SPTLC2: variants seen among roughly 807,000 people sequenced by gnomAD.
The protein encoded by SPTLC2 is serine palmitoyltransferase long chain base subunit 2.
A neutral mutation model predicts 62.0 loss-of-function variants in SPTLC2; 21 were observed. The ratio of observed to expected loss-of-function variants is 0.34; its 90% CI spans 0.24 to 0.49. SPTLC2 has a LOEUF of 0.49. Among genes scored for constraint, SPTLC2 ranks in the 20% least tolerant of loss-of-function variants. SPTLC2 has a pLI of 0.99. For synonymous variants in SPTLC2, 261 were observed against 261.8 expected, an observed-to-expected ratio of 1.00 and a Z score of 0.03; for missense variants, 511 against 713.0, an observed-to-expected ratio of 0.72 and a Z score of 3.23.
At chr14:77,604,321 GC>G (rs1489312217) in intron 1 of SPTLC2, among the ~76,000 whole-genome samples, 3 of 152,142 alleles carry the variant, frequency 2.0e-5, no homozygotes, top group African/African-American at 7.2e-5. Flanking sequence ...GGTCCCAAGA[GC>G]TGTGCCAATT....
At chr14:77,515,943 G>C (rs1015804919) in intron 11 of SPTLC2, among the ~76,000 whole-genome samples, 2 of 152,026 alleles carry the variant, frequency 1.3e-5, no homozygotes, top group Non-Finnish European at 2.9e-5. Context: ...TTTGTGTGCT[G>C]ATCTTTTACC....
In SPTLC2 at chr14:77,600,396, C is replaced by T. The variant is rs562251841; in HGVS notation, c.133-3016G>A. On this transcript the variant is annotated intron_variant, in intron 1 of 11. Coordinates refer to ENST00000216484, the MANE Select transcript of SPTLC2 (RefSeq NM_004863.4). ...GCAGATGGGCACGCCAACTGACACG[C>T]GAGCCTCTCCAAGGTGAAAAGTCTT... 5.3e-5 allele frequency among the ~76,000 whole-genome samples: 8 copies of T among 152,134 alleles called. No individual in the cohort carries two copies. The South Asian group carries it at 1.2e-3, about 24-fold the overall frequency.
chr14:77,517,723 G>T (rs189499086), intron 11 of SPTLC2, among the ~76,000 whole-genome samples: 1 of 151,886 alleles, frequency 6.6e-6, no homozygotes, highest in Admixed American at 6.6e-5. Context: ...GAAAGCTCAA[G>T]AGAGAAAATT....
At position 77,510,221 on chromosome 14, in the gene SPTLC2, G is replaced by A. The variant is rs988927851; in HGVS notation, c.*2063C>T. On this transcript the variant is annotated 3_prime_UTR_variant, in exon 12 of 12. Coordinates refer to ENST00000216484, the MANE Select transcript of SPTLC2 (RefSeq NM_004863.4). ...TTGGTTCTTTCATTCATCTTTTTCT[G>A]TTCTTTAAAAAAGTAAAATAAAACT... The A allele has an allele frequency of 3.1e-6, 1 of 322,818 alleles. No individual in the cohort carries two copies. The highest frequency in any genetic ancestry group is 2.1e-5 in the African/African-American group (1 of 47,056). The allele number at this position is 322,818 out of a possible 1,614,324, so 20.0% of individuals were successfully genotyped here. A position where few individuals can be genotyped will look rare whatever the true frequency, so the allele number is the denominator to read the frequency against.
intron 2 of SPTLC2, among the ~76,000 whole-genome samples, chr14:77,583,711 T>A (rs983335553): frequency 3.3e-5 from 5 of 152,154 alleles, no homozygotes; most frequent in South Asian, 2.1e-4. Context: ...AACTGGGCAC[T>A]GGGAATAAAA....
intron 2 of SPTLC2, among the ~76,000 whole-genome samples, chr14:77,582,206 C>T (rs981620423): frequency 5.9e-5 from 9 of 152,012 alleles, no homozygotes; most frequent in Non-Finnish European, 1.0e-4. Context: ...GTGCCCGCCA[C>T]CACACCTGGC....
At chr14:77,563,423 C>T (rs1320635100) in intron 5 of SPTLC2, among the ~76,000 whole-genome samples, 2 of 152,048 alleles carry the variant, frequency 1.3e-5, no homozygotes, top group African/African-American at 4.8e-5. Context: ...TCCATGAATA[C>T]TATATTGTGT....
rs1440829306 is a variant in SPTLC2, at chr14:77,544,900, CT to C, written c.1303+7195del. On this transcript the variant is annotated intron_variant, in intron 9 of 11. Coordinates refer to ENST00000216484, the MANE Select transcript of SPTLC2 (RefSeq NM_004863.4). ...CTGAAGGCAAGCATCCCCCTTACCC[CT>C]GATGTTTCCTCTTAGTATTTTTCTA... Among the ~76,000 whole-genome samples, 4 of 152,300 alleles carry C rather than the reference CT, an allele frequency of 2.6e-5. No homozygotes were observed. In the East Asian group the frequency reaches 7.7e-4, roughly 29 times the overall value.
At chr14:77,542,891 T>C (rs1451252096) in intron 9 of SPTLC2, among the ~76,000 whole-genome samples, 1 of 152,156 alleles carries the variant, frequency 6.6e-6, no homozygotes, top group African/African-American at 2.4e-5. Flanking sequence ...AAGCTTAAAG[T>C]TGCTGATTCA....
Position 77,511,793 on chromosome 14 carries a change from T to C in SPTLC2, c.*491A>G, listed in dbSNP as rs1424780624. 1.6e-5 allele frequency: 3 copies of C among 190,362 alleles called. No individual in the cohort carries two copies. Among genetic ancestry groups the C allele is most frequent in the Non-Finnish European group, 3.3e-5 (3 of 90,062 alleles). The allele number at this position is 190,362 out of a possible 1,614,324, so 11.8% of individuals were successfully genotyped here. On this transcript the variant is annotated 3_prime_UTR_variant, in exon 12 of 12. Transcript: ENST00000216484. The stretch of plus-strand genomic sequence containing the variant: ...TCCGTTGATTACTTGAATGGTTAAA[T>C]AAGGATTCCAAGGTTGGCCTTGAGA...
chr14:77,566,643 G>C (rs1278675915), intron 5 of SPTLC2, among the ~76,000 whole-genome samples: 1 of 152,078 alleles, frequency 6.6e-6, no homozygotes, highest in Non-Finnish European at 1.5e-5. Flanking sequence ...TATATTTTTA[G>C]TAGAGACGGG....
At chr14:77,608,224 C>G (rs763754867) in intron 1 of SPTLC2, among the ~76,000 whole-genome samples, 3 of 152,136 alleles carry the variant, frequency 2.0e-5, no homozygotes, top group Admixed American at 1.3e-4. Flanking sequence ...TTCAGTAAAC[C>G]GCTATTGTTT....
At chr14:77,565,554 G>A (rs1485415838) in intron 5 of SPTLC2, among the ~76,000 whole-genome samples, 1 of 152,024 alleles carries the variant, frequency 6.6e-6, no homozygotes, top group Non-Finnish European at 1.5e-5. Context: ...AATAACGCAC[G>A]GACTCAATCA....
At chr14:77,582,927 G>A (rs1305834298) in intron 2 of SPTLC2, among the ~76,000 whole-genome samples, 2 of 152,188 alleles carry the variant, frequency 1.3e-5, no homozygotes, top group Non-Finnish European at 2.9e-5. Flanking sequence ...GCATGGCTGG[G>A]CGCAGTGGCT....
intron 9 of SPTLC2, among the ~76,000 whole-genome samples, chr14:77,549,554 C>T (rs2284230): frequency 0.19 from 29,419 of 152,108 alleles, 2,932 homozygotes; most frequent in East Asian, 0.31. Context: ...TCCAGATGAT[C>T]CCAACCACCA....
chr14:77,514,108 G>A (rs2079347353), intron 11 of SPTLC2, among the ~76,000 whole-genome samples: 1 of 151,786 alleles, frequency 6.6e-6, no homozygotes, highest in African/African-American at 2.4e-5. Flanking sequence ...CCTTGAGGCT[G>A]GGAGATGGAG....
At chr14:77,603,970 C>T (rs17825014) in intron 1 of SPTLC2, among the ~76,000 whole-genome samples, 13,547 of 152,288 alleles carry the variant, frequency 0.089, 809 homozygotes, top group Admixed American at 0.18. Context: ...ACTGCTGACA[C>T]GTTCTGAGCC....
chr14:77,537,320 T>A (rs904812716), intron 9 of SPTLC2, among the ~76,000 whole-genome samples: 4 of 152,016 alleles, frequency 2.6e-5, no homozygotes, highest in African/African-American at 9.7e-5. Flanking sequence ...AGATTCCCTA[T>A]GGCACATTTT....
intron 6 of SPTLC2, among the ~76,000 whole-genome samples, chr14:77,557,871 T>C (rs1446566173): frequency 6.6e-6 from 1 of 152,160 alleles, no homozygotes; most frequent in Non-Finnish European, 1.5e-5. Flanking sequence ...CTGCCATTAA[T>C]GATGATCATA....
Sources: allele counts gnomAD v4.1 joint callset (sites outside exome capture counted in the v4.1 genomes callset), GRCh38; gene constraint gnomAD v4.1.1; transcripts MANE v1.5; gene names NCBI Gene and HGNC (gene_info 2026-07-23, HGNC 2026-07-21).